The following PPFIBP2 variants were observed in gnomAD, a reference collection of about 807,000 sequenced individuals.
The protein encoded by PPFIBP2 is liprin-beta-2.
In PPFIBP2, 118 loss-of-function variants were observed where a neutral mutation model predicts 118.3. That is an observed-to-expected ratio of 1.00 (90% CI 0.86 to 1.16). The LOEUF is 1.16. PPFIBP2 is among the 50% of genes most tolerant of loss of function. The probability of loss-of-function intolerance (pLI) is 0.00; values close to 1 mark genes in which losing one functional copy is unlikely to be tolerated. For missense variants in PPFIBP2, 1,195 were observed against 1,073.1 expected (o/e 1.11, Z -1.59); for synonymous variants, 414 against 397.4 (o/e 1.04, Z -0.50).
the PPFIBP2 span, chr11:7,665,751 T>C: frequency 7.5e-7 from 1 of 1,342,086 alleles, no homozygotes; most frequent in Non-Finnish European, 1.0e-6. Flanking sequence ...CCAGGCTCAC[T>C]GCAGGGACCC....
At chr11:7,642,992 C>G (rs530894851) in intron 17 of PPFIBP2, among the ~76,000 whole-genome samples, 8 of 152,274 alleles carry the variant, frequency 5.3e-5, no homozygotes, top group African/African-American at 1.9e-4. Flanking sequence ...TGGGACCTTT[C>G]CAGATCCATT....
At chr11:7,553,664 A>G (rs888689612) in intron 2 of PPFIBP2, among the ~76,000 whole-genome samples, 3 of 152,244 alleles carry the variant, frequency 2.0e-5, no homozygotes, top group Non-Finnish European at 4.4e-5. Context: ...CAGTAATAAT[A>G]GTACCTGTCT....
In PPFIBP2 at chr11:7,522,587, C is replaced by T. The variant is rs373631051; in HGVS notation, c.-37+8466C>T. 2.6e-5 allele frequency among the ~76,000 whole-genome samples: 4 copies of T among 152,052 alleles called. No homozygotes were observed. In the East Asian group the frequency reaches 5.8e-4, roughly 22 times the overall value. On this transcript the variant is annotated intron_variant, in intron 1 of 23. Coordinates refer to ENST00000299492, the MANE Select transcript of PPFIBP2 (RefSeq NM_003621.5). Reference sequence around the variant, plus strand: ...AGCCAGAGGAGAGCTGCCAGAAGGTCGAGATGGAGATTCCATTAGGCAATG... The same window carrying T: ...AGCCAGAGGAGAGCTGCCAGAAGGTTGAGATGGAGATTCCATTAGGCAATG...
At chr11:7,543,427 C>T (rs1851988175) in intron 1 of PPFIBP2, among the ~76,000 whole-genome samples, 1 of 152,180 alleles carries the variant, frequency 6.6e-6, no homozygotes, top group Non-Finnish European at 1.5e-5. Flanking sequence ...GCTGAGGCCT[C>T]CTTCCCCAGG....
chr11:7,518,064 C>T (rs1306750362), intron 1 of PPFIBP2, among the ~76,000 whole-genome samples: 1 of 152,224 alleles, frequency 6.6e-6, no homozygotes, highest in East Asian at 1.9e-4. Flanking sequence ...GGAGCTGTGG[C>T]CCCGTGGGCC....
intron 3 of PPFIBP2, chr11:7,577,743 T>C (rs1856657545): frequency 2.2e-6 from 1 of 447,480 alleles, no homozygotes; most frequent in Admixed American, 2.4e-5. Flanking sequence ...GGGGGAGGTA[T>C]TGTCCAGCAA....
chr11:7,605,788 T>C, intron 5 of PPFIBP2: 2 of 1,386,412 alleles, frequency 1.4e-6, no homozygotes, highest in Non-Finnish European at 1.9e-6. Flanking sequence ...GGTCAGAAGA[T>C]TGTGGCCAGA....
At chr11:7,642,203 G>T (rs776145835) in intron 16 of PPFIBP2, 95 bp from the exon 17 acceptor site, 8 of 1,475,164 alleles carry the variant, frequency 5.4e-6, no homozygotes, top group Non-Finnish European at 7.4e-6. Flanking sequence ...GAGAGTCCCT[G>T]TGCTGGCCTG....
At chr11:7,630,694 G>GC (rs1387906407) in intron 10 of PPFIBP2, among the ~76,000 whole-genome samples, 2 of 150,458 alleles carry the variant, frequency 1.3e-5, no homozygotes, top group Non-Finnish European at 2.9e-5. Context: ...AGGTTTGGAG[G>GC]CAGGGGTACA....
At chr11:7,552,719 G>A (rs116232795) in intron 2 of PPFIBP2, among the ~76,000 whole-genome samples, 1,876 of 152,030 alleles carry the variant, frequency 0.012, 35 homozygotes, top group African/African-American at 0.043. Flanking sequence ...TCCCTTTTAC[G>A]TTCCCAGGGT....
At chr11:7,521,030 C>G (rs1338056636) in intron 1 of PPFIBP2, among the ~76,000 whole-genome samples, 1 of 152,222 alleles carries the variant, frequency 6.6e-6, no homozygotes, top group African/African-American at 2.4e-5. Context: ...AGGCCCAGAT[C>G]TCCTTAGTGC....
intron 20 of PPFIBP2, 53 bp downstream of exon 20, chr11:7,649,288 C>G (rs966588841): frequency 6.8e-7 from 1 of 1,473,876 alleles, no homozygotes; most frequent in African/African-American, 1.4e-5. Context: ...ACTCAGCTCA[C>G]GTGTACCCAT....
At chr11:7,556,925 TTG>T (rs1456732234) in intron 2 of PPFIBP2, among the ~76,000 whole-genome samples, 1 of 152,222 alleles carries the variant, frequency 6.6e-6, no homozygotes, top group East Asian at 1.9e-4. Flanking sequence ...TTGGGTGGAT[TTG>T]TTTTGATGTA....
intron 1 of PPFIBP2, among the ~76,000 whole-genome samples, chr11:7,541,926 A>G (rs1740338776): frequency 6.6e-6 from 1 of 152,224 alleles, no homozygotes; most frequent in South Asian, 2.1e-4. Context: ...GTTTATCAGT[A>G]AATCTTATGG....
chr11:7,666,289 T>C, the PPFIBP2 span: 2 of 610,178 alleles, frequency 3.3e-6, no homozygotes, highest in East Asian at 5.5e-5. Context: ...AAATCCTTTC[T>C]CCCTCAATTT....
At chr11:7,609,161 G>A (rs555714078) in intron 5 of PPFIBP2, among the ~76,000 whole-genome samples, 3 of 152,330 alleles carry the variant, frequency 2.0e-5, no homozygotes, top group African/African-American at 7.2e-5. Context: ...GTCCCGTGTG[G>A]TTTGATTCAT....
At chr11:7,648,160 A>G in intron 17 of PPFIBP2, 2 of 483,430 alleles carry the variant, frequency 4.1e-6, no homozygotes, top group Admixed American at 7.1e-5. Context: ...GTAGCCTGAG[A>G]TTTGAAATTC....
At chr11:7,603,155 G>C (rs12272370) in intron 5 of PPFIBP2, among the ~76,000 whole-genome samples, 25,786 of 152,146 alleles carry the variant, frequency 0.17, 3,518 homozygotes, top group African/African-American at 0.38. Context: ...ATCTGTCTGA[G>C]GTGGGTAAGA....
At chr11:7,553,829 C>T (rs1183051863) in intron 2 of PPFIBP2, among the ~76,000 whole-genome samples, 4 of 152,182 alleles carry the variant, frequency 2.6e-5, no homozygotes, top group African/African-American at 9.7e-5. Context: ...TGAGTCTCTT[C>T]CAGGCTCCTT....
Sources: allele counts gnomAD v4.1 joint callset (sites outside exome capture counted in the v4.1 genomes callset), GRCh38; gene constraint gnomAD v4.1.1; transcripts MANE v1.5; gene names NCBI Gene and HGNC (gene_info 2026-07-23, HGNC 2026-07-21).